Variants in TAF15 observed in about 807,000 individuals in gnomAD.
TAF15 encodes TATA-box binding protein associated factor 15.
Under a neutral mutation model 102.5 loss-of-function variants are expected in TAF15, and 37 were observed. That is an observed-to-expected ratio of 0.36 (90% confidence interval 0.28 to 0.47). TAF15 has a LOEUF of 0.47. TAF15 is among the 20% of genes least tolerant of loss of function. The pLI is 0.99. For missense variants in TAF15, 652 were observed against 760.7 expected (o/e 0.86, Z 1.68); for synonymous variants, 273 against 259.2 (o/e 1.05, Z -0.51).
chr17:35,841,040 T>C (rs2087537107), intron 11 of TAF15, among the ~76,000 whole-genome samples: 1 of 152,248 alleles, frequency 6.6e-6, no homozygotes, highest in Non-Finnish European at 1.5e-5. Context: ...CTTTTGCATA[T>C]GGTATATTCA....
intron 8 of TAF15, chr17:35,834,273 T>C: frequency 4.8e-6 from 2 of 413,064 alleles, no homozygotes; most frequent in Non-Finnish European, 8.4e-6. Flanking sequence ...TTTAAATTAT[T>C]AGGGTTGTCC....
chr17:35,829,546 G>A (rs1378829097), intron 7 of TAF15, among the ~76,000 whole-genome samples: 2 of 142,484 alleles, frequency 1.4e-5, no homozygotes, highest in African/African-American at 2.7e-5. Flanking sequence ...GCAGGAGAAT[G>A]GCGTGAACCC....
chr17:35,819,364 T>C (rs1037670024), intron 2 of TAF15, among the ~76,000 whole-genome samples: 4 of 152,216 alleles, frequency 2.6e-5, no homozygotes, highest in Admixed American at 2.6e-4. Flanking sequence ...GCTTATATAC[T>C]ATAAAATTAA....
At chr17:35,817,357 A>T (rs778069925) in intron 1 of TAF15, 1 of 250,414 alleles carries the variant, frequency 4.0e-6, no homozygotes, top group East Asian at 1.0e-4. Context: ...GGGATGTCAT[A>T]GTGCATGTCT....
intron 7 of TAF15, among the ~76,000 whole-genome samples, chr17:35,825,390 T>C (rs1025346221): frequency 6.6e-6 from 1 of 152,220 alleles, no homozygotes; most frequent in Non-Finnish European, 1.5e-5. Context: ...ATAAATGGAC[T>C]ATGTAAAGTG....
intron 2 of TAF15, 78 bp from the exon 3 acceptor site, chr17:35,819,946 G>GA: frequency 7.7e-7 from 1 of 1,300,418 alleles, no homozygotes; most frequent in Non-Finnish European, 1.1e-6. Context: ...GTTGAAAGTT[G>GA]AAAATGAAGG....
Position 35,836,158 on chromosome 17 carries a change from A to G in TAF15, c.700A>G (p.Asn234Asp). ...ADSESDNSDN[N>D]TIFVQGLGEG... is the part of the protein sequence containing the mutation. ...TTCAGAATCTGATAATTCAGATAAC[A>G]ACACAATCTTTGTGCAAGGACTTGG... The change falls in exon 10 of 16, where the codon AAC becomes GAC. Residue 234 changes from asparagine to aspartate, a missense_variant. Asn to Asp is a conservative substitution (Grantham distance 23). Transcript: ENST00000605844. The G allele has an allele frequency of 6.2e-7, 1 of 1,613,784 alleles. No individual in the cohort carries two copies.
At chr17:35,828,598 G>C (rs2143785456) in intron 7 of TAF15, among the ~76,000 whole-genome samples, 1 of 152,046 alleles carries the variant, frequency 6.6e-6, no homozygotes, top group Admixed American at 6.6e-5. Flanking sequence ...GGCCACTGTG[G>C]CACACGCCTG....
chr17:35,809,668 A>G, intron 1 of TAF15, 92 bp downstream of exon 1: 1 of 1,577,882 alleles, frequency 6.3e-7, no homozygotes, highest in Non-Finnish European at 8.7e-7. Flanking sequence ...CCTGAGGAGA[A>G]GCCTCCGGCC....
chr17:35,819,149 T>C (rs1207210623), intron 2 of TAF15, among the ~76,000 whole-genome samples: 2 of 152,230 alleles, frequency 1.3e-5, no homozygotes, highest in African/African-American at 4.8e-5. Context: ...CTGATTTGAC[T>C]TTTTTGATCT....
intron 1 of TAF15, 32 bp downstream of exon 1, chr17:35,809,608 G>A: frequency 6.2e-7 from 1 of 1,613,098 alleles, no homozygotes; most frequent in Non-Finnish European, 8.5e-7. Flanking sequence ...CAGCGGCAGC[G>A]ACGAGAAGGT....
At chr17:35,816,797 A>AC (rs2087200396) in intron 1 of TAF15, 1 of 51,422 alleles carries the variant, frequency 1.9e-5, no homozygotes, top group African/African-American at 7.3e-5. Context: ...TTATGTTACC[A>AC]CCCCCACCCC....
In TAF15 at chr17:35,824,061, T is replaced by C. The variant is rs1348016881; in HGVS notation, c.485-17T>C. ...AATGAGAGTGGTTATTTGTGTGTAATATTTTCTTTTTTGTAGATGACCGTC... is the reference window on the plus strand; with the variant it reads ...AATGAGAGTGGTTATTTGTGTGTAACATTTTCTTTTTTGTAGATGACCGTC... On this transcript the variant is annotated splice_polypyrimidine_tract_variant and intron_variant, in intron 6 of 15. Transcript: ENST00000605844. The C allele has an allele frequency of 1.2e-6, 2 of 1,613,994 alleles. No homozygotes were observed.
At position 35,844,353 on chromosome 17, in the gene TAF15, C is replaced by T. The variant is rs202180032; in HGVS notation, c.1162C>T (p.Arg388Cys). 187 of 1,614,058 alleles carry T rather than the reference C, an allele frequency of 1.2e-4. 1 individual carries two copies. The highest frequency in any genetic ancestry group is 4.8e-5 in the Non-Finnish European group (57 of 1,180,010). Residue 388 changes from arginine to cysteine, a missense_variant, in exon 14 of 16, where the codon CGT becomes TGT. Arg to Cys is a radical substitution (Grantham distance 180, BLOSUM62 -3). Around this residue, in one of 3 missense-constraint regions of TAF15, gnomAD observed 368 missense variants for 367.5 expected, o/e 1.00. Transcript: ENST00000605844. ...CAATGAGCCTAGACCAGAGGACTCT[C>T]GTCCCTCAGGAGGAGGTGGGTCAGC... is the stretch of plus-strand genomic sequence containing the variant. ...QCNEPRPEDSRPSGGDFRGRG... is the reference protein window; with the variant it reads ...QCNEPRPEDSCPSGGDFRGRG...
chr17:35,826,815 C>T (rs1364078409), intron 7 of TAF15, among the ~76,000 whole-genome samples: 1 of 151,014 alleles, frequency 6.6e-6, no homozygotes, highest in Non-Finnish European at 1.5e-5. Flanking sequence ...ATCTGCCCGC[C>T]TTGGCCTCCC....
chr17:35,821,828 G>A (rs2087262001), intron 5 of TAF15, among the ~76,000 whole-genome samples: 1 of 151,944 alleles, frequency 6.6e-6, no homozygotes, highest in Non-Finnish European at 1.5e-5. Flanking sequence ...TTTCTAAAAT[G>A]TACTATCACT....
chr17:35,811,904 G>A (rs4796109), intron 1 of TAF15, among the ~76,000 whole-genome samples: 15,713 of 152,148 alleles, frequency 0.1, 957 homozygotes, highest in East Asian at 0.23. Flanking sequence ...TAAAAAAATG[G>A]AAAAACTAAG....
chr17:35,824,011 T>G, intron 6 of TAF15, 67 bp from the exon 7 acceptor site: 1 of 1,608,714 alleles, frequency 6.2e-7, no homozygotes, highest in South Asian at 1.1e-5. Context: ...AAGAGCCATT[T>G]AACATTGTTA....
rs370455465 is a variant in TAF15 at position 35,840,247 on chromosome 17, C to CTT, written c.913+1715_913+1716dup. Among the ~76,000 whole-genome samples the CTT allele has an allele frequency of 6.7e-3, 801 of 119,328 alleles. 9 individuals carry two copies. Among genetic ancestry groups the CTT allele is most frequent in the African/African-American group, 0.015 (471 of 31,536 alleles). The allele number at this position is 119,328 out of a possible 152,430, so 78.3% of individuals were successfully genotyped here. On this transcript the variant is annotated intron_variant, in intron 11 of 15. Transcript: ENST00000605844. ...CCAAAAACATAATTGCGTTATTTTC[C>CTT]TTTTTTTTTTTTTTTTTTTTTTGAG...
Sources: gnomAD v4.1 joint callset for allele counts (sites outside exome capture counted in the v4.1 genomes callset) on GRCh38, gnomAD v4.1.1 for gene constraint, gnomAD v4.1.1 regional missense constraint, MANE v1.5 for transcripts, NCBI Gene and HGNC (gene_info 2026-07-23, HGNC 2026-07-21) for gene names.